The following PTPRG variants were observed in gnomAD, a reference collection of about 807,000 sequenced individuals.
The protein encoded by PTPRG is receptor-type tyrosine-protein phosphatase gamma.
A neutral mutation model predicts 165.3 loss-of-function variants in PTPRG; 102 were observed. The ratio of observed to expected loss-of-function variants is 0.62; its 90% CI spans 0.53 to 0.73. The LOEUF is 0.73. Ranked by LOEUF, PTPRG falls within the 30% of genes least tolerant of loss-of-function variation. PTPRG has a pLI of 0.00. For synonymous variants in PTPRG, 675 were observed against 669.5 expected, an observed-to-expected ratio of 1.01 and a Z score of -0.13; for missense variants, 1,866 against 1,861.4, an observed-to-expected ratio of 1.00 and a Z score of -0.05.
At chr3:61,969,113 G>C (rs559707231) in intron 2 of PTPRG, among the ~76,000 whole-genome samples, 18 of 152,300 alleles carry the variant, frequency 1.2e-4, no homozygotes, top group Admixed American at 1.0e-3. Flanking sequence ...ATTTGACACA[G>C]AATGGGGTGA....
At chr3:61,821,378 C>G (rs1229690727) in intron 2 of PTPRG, among the ~76,000 whole-genome samples, 1 of 152,102 alleles carries the variant, frequency 6.6e-6, no homozygotes, top group Non-Finnish European at 1.5e-5. Flanking sequence ...ACCGTGTTAG[C>G]CAGGATGGTC....
chr3:61,638,533 A>G (rs915200453), intron 1 of PTPRG, among the ~76,000 whole-genome samples: 2 of 20,222 alleles, frequency 9.9e-5, no homozygotes, highest in Non-Finnish European at 1.7e-4. Context: ...CATAGAATTG[A>G]AAAAAAAAAT....
intron 7 of PTPRG, among the ~76,000 whole-genome samples, chr3:62,162,835 C>T (rs534045909): frequency 1.3e-5 from 2 of 152,308 alleles, no homozygotes; most frequent in South Asian, 2.1e-4. Context: ...AATAGAGTCA[C>T]ACAGACCTGC....
At chr3:61,895,487 A>G (rs991225846) in intron 2 of PTPRG, among the ~76,000 whole-genome samples, 2 of 152,178 alleles carry the variant, frequency 1.3e-5, no homozygotes, top group Non-Finnish European at 2.9e-5. Context: ...CAGGTTTCCG[A>G]GCTTGTAAAA....
chr3:61,571,132 C>T (rs1046874927), intron 1 of PTPRG, among the ~76,000 whole-genome samples: 1 of 152,144 alleles, frequency 6.6e-6, no homozygotes, highest in Non-Finnish European at 1.5e-5. Context: ...GTGATCTATG[C>T]CCCGTGCTTG....
At chr3:61,664,983 T>G (rs1702768691) in intron 1 of PTPRG, among the ~76,000 whole-genome samples, 1 of 152,204 alleles carries the variant, frequency 6.6e-6, no homozygotes, top group South Asian at 2.1e-4. Flanking sequence ...CACTAGCAGG[T>G]GGAGTTTTCT....
At chr3:62,075,880 C>A (rs562809754) in intron 4 of PTPRG, among the ~76,000 whole-genome samples, 2 of 152,190 alleles carry the variant, frequency 1.3e-5, no homozygotes, top group South Asian at 4.1e-4. Flanking sequence ...ATAGAAGATA[C>A]TGTTTTCTGT....
chr3:61,630,912 C>A (rs1364492483), intron 1 of PTPRG, among the ~76,000 whole-genome samples: 2 of 151,848 alleles, frequency 1.3e-5, no homozygotes, highest in Non-Finnish European at 2.9e-5. Flanking sequence ...AAAAATTAGC[C>A]AGGCGTTGTG....
At position 61,748,899 on chromosome 3, in the gene PTPRG, G is replaced by T. The variant is rs749884853; in HGVS notation, c.107G>T (p.Gly36Val). ...CCAGCGTTGACAGAAGGCTACGTTG[G>T]GGCCCTGCACGAGAATAGACACGGC... is the stretch of plus-strand genomic sequence containing the variant. ...CFPALTEGYV[G>V]ALHENRHGSA... Residue 36 changes from glycine (G) to valine (V), a missense_variant, in exon 2 of 30, where the codon GGG (glycine) becomes GTG (valine). Physicochemically the swap from Gly to Val is moderately radical, Grantham distance 109. Around this residue, in one of 3 missense-constraint regions of PTPRG, gnomAD observed 408 missense variants for 376.2 expected, o/e 1.08. Coordinates refer to ENST00000474889, the MANE Select transcript of PTPRG (RefSeq NM_002841.4). 2 of 1,613,426 alleles carry T rather than the reference G, an allele frequency of 1.2e-6. No individual in the cohort carries two copies. The highest frequency in any genetic ancestry group is 2.2e-5 in the South Asian group (2 of 91,046).
rs1024737600 is a variant in PTPRG at position 62,297,327 on chromosome 3, T to C, written c.*4020T>C. On this transcript the variant is annotated 3_prime_UTR_variant, in exon 30 of 30. Transcript: ENST00000474889. ...AAAGAATCCAACATGTGTTATTTCT[T>C]TGAGGCAGTGATTGTGAAAGTTGGG... is the stretch of plus-strand genomic sequence containing the variant. The C allele has an allele frequency of 7.2e-5, 11 of 152,048 alleles. No homozygotes were observed. Among genetic ancestry groups the C allele is most frequent in the Non-Finnish European group, 1.6e-4 (11 of 67,954 alleles). The allele number at this position is 152,048 out of a possible 1,614,324, so 9.4% of individuals were successfully genotyped here. A position where few individuals can be genotyped will look rare whatever the true frequency, so the allele number is the denominator to read the frequency against.
At chr3:61,716,414 C>T (rs2106770681) in intron 1 of PTPRG, among the ~76,000 whole-genome samples, 1 of 152,256 alleles carries the variant, frequency 6.6e-6, no homozygotes, top group Admixed American at 6.5e-5. Flanking sequence ...ATCATCTACC[C>T]TGTGGGATAA....
At chr3:61,582,082 C>T (rs761821812) in intron 1 of PTPRG, among the ~76,000 whole-genome samples, 1 of 152,140 alleles carries the variant, frequency 6.6e-6, no homozygotes. Context: ...ATCCTCCCAT[C>T]TCAGCCTCCC....
At chr3:61,694,603 A>G (rs950381438) in intron 1 of PTPRG, among the ~76,000 whole-genome samples, 3 of 152,196 alleles carry the variant, frequency 2.0e-5, no homozygotes, top group African/African-American at 7.2e-5. Context: ...AGGTTTATGT[A>G]CTAAGATAGT....
At chr3:62,162,729 A>G (rs929846456) in intron 7 of PTPRG, among the ~76,000 whole-genome samples, 2 of 152,250 alleles carry the variant, frequency 1.3e-5, no homozygotes, top group African/African-American at 4.8e-5. Context: ...GACTTATACT[A>G]TCACTGCATC....
intron 4 of PTPRG, among the ~76,000 whole-genome samples, chr3:62,023,992 G>C (rs1349430713): frequency 6.6e-6 from 1 of 152,028 alleles, no homozygotes; most frequent in Admixed American, 6.6e-5. Context: ...ACAAGAAGAG[G>C]TTCAAAAACA....
At chr3:61,567,605 G>A (rs865799360) in intron 1 of PTPRG, among the ~76,000 whole-genome samples, 3 of 147,318 alleles carry the variant, frequency 2.0e-5, no homozygotes, top group Admixed American at 6.9e-5. Context: ...GGTTGAGGCC[G>A]CAGTGTACTG....
At chr3:61,595,192 T>C (rs1700671527) in intron 1 of PTPRG, among the ~76,000 whole-genome samples, 2 of 152,300 alleles carry the variant, frequency 1.3e-5, no homozygotes, top group Non-Finnish European at 1.5e-5. Flanking sequence ...TTTGTTTTTT[T>C]TTTTTTCCTT....
At chr3:61,588,590 C>T (rs1421783449) in intron 1 of PTPRG, among the ~76,000 whole-genome samples, 1 of 151,894 alleles carries the variant, frequency 6.6e-6, no homozygotes, top group African/African-American at 2.4e-5. Flanking sequence ...GGACTACAGG[C>T]CTGCACCACC....
chr3:61,861,358 G>A (rs73096141), intron 2 of PTPRG, among the ~76,000 whole-genome samples: 5,891 of 152,146 alleles, frequency 0.039, 163 homozygotes, highest in Middle Eastern at 0.054. Flanking sequence ...TCAAGCTGGG[G>A]GCCAAAAACA....
Sources: gnomAD v4.1 joint callset for allele counts (sites outside exome capture counted in the v4.1 genomes callset) on GRCh38, gnomAD v4.1.1 for gene constraint, gnomAD v4.1.1 regional missense constraint, MANE v1.5 for transcripts, NCBI Gene and HGNC (gene_info 2026-07-23, HGNC 2026-07-21) for gene names.